Variants in CDA observed in about 807,000 individuals in gnomAD.
The protein encoded by CDA is cytidine aminohydrolase.
Under a neutral mutation model 15.0 loss-of-function variants are expected in CDA, and 7 were observed. That is an observed-to-expected ratio of 0.47 (90% CI 0.26 to 0.87). CDA has a LOEUF of 0.87. Among genes scored for constraint, CDA ranks in the 40% least tolerant of loss-of-function variants. The probability of loss-of-function intolerance (pLI) is 0.15; values close to 1 mark genes in which losing one functional copy is unlikely to be tolerated. For missense variants in CDA, 159 were observed against 182.7 expected, an observed-to-expected ratio of 0.87 and a Z score of 0.75; for synonymous variants, 58 against 73.0, an observed-to-expected ratio of 0.79 and a Z score of 1.05.
intron 2 of CDA, among the ~76,000 whole-genome samples, chr1:20,612,933 A>T (rs2154532825): frequency 1.0e-5 from 1 of 99,022 alleles, no homozygotes; most frequent in East Asian, 2.7e-4. Context: ...ACAGAGCGAG[A>T]CTCCATCTCA....
At chr1:20,608,009 A>G (rs1461501034) in intron 2 of CDA, among the ~76,000 whole-genome samples, 1 of 152,190 alleles carries the variant, frequency 6.6e-6, no homozygotes, top group Admixed American at 6.5e-5. Context: ...GTCAAGTCTG[A>G]TAAGTACGGC....
chr1:20,597,292 CA>C (rs980548516), intron 1 of CDA, among the ~76,000 whole-genome samples: 1 of 151,842 alleles, frequency 6.6e-6, no homozygotes, highest in African/African-American at 2.4e-5. Flanking sequence ...AATAAAAATA[CA>C]AAAAAAATTA....
chr1:20,599,477 C>T (rs753766783), intron 1 of CDA, among the ~76,000 whole-genome samples: 122 of 151,726 alleles, frequency 8.0e-4, no homozygotes, highest in Non-Finnish European at 1.3e-3. Context: ...ATTAGCCGGG[C>T]GTGGTGGCAC....
rs190748614 is a variant in CDA at position 20,599,073 on chromosome 1, G to A, written c.155-5855G>A. ...AGGAAGCCATTTTAGATAGGTGATCGGAGAAAGCGTCTCTGAGAAGGTGAC... is the reference window on the plus strand; with the variant it reads ...AGGAAGCCATTTTAGATAGGTGATCAGAGAAAGCGTCTCTGAGAAGGTGAC... On this transcript the variant is annotated intron_variant, in intron 1 of 3. Coordinates refer to ENST00000375071, the MANE Select transcript of CDA (RefSeq NM_001785.3). Among the ~76,000 whole-genome samples, 363 of 152,294 alleles carry A rather than the reference G, an allele frequency of 2.4e-3. 2 individuals carry two copies. The highest frequency in any genetic ancestry group is 0.014 in the Middle Eastern group (4 of 294).
intron 1 of CDA, among the ~76,000 whole-genome samples, chr1:20,596,074 G>C (rs1402365878): frequency 1.3e-5 from 2 of 152,056 alleles, no homozygotes; most frequent in Non-Finnish European, 2.9e-5. Flanking sequence ...GCTTGAACCT[G>C]GGAGGCGGAG....
intron 2 of CDA, among the ~76,000 whole-genome samples, chr1:20,606,713 G>A (rs927922287): frequency 1.3e-5 from 2 of 152,134 alleles, no homozygotes; most frequent in African/African-American, 4.8e-5. Flanking sequence ...GGTTCTGGCT[G>A]AACAAGAGCC....
intron 1 of CDA, among the ~76,000 whole-genome samples, chr1:20,603,350 T>C (rs989291833): frequency 4.6e-5 from 7 of 152,204 alleles, no homozygotes; most frequent in African/African-American, 1.7e-4. Flanking sequence ...AACGGGCAAC[T>C]CTGCCCCATG....
intron 1 of CDA, among the ~76,000 whole-genome samples, chr1:20,589,706 G>A (rs1478585444): frequency 6.6e-6 from 1 of 152,154 alleles, no homozygotes; most frequent in Non-Finnish European, 1.5e-5. Flanking sequence ...TGAAACTACG[G>A]AGGTCTCGAG....
In CDA at chr1:20,605,010, C is replaced by A. The variant is rs1163991065; in HGVS notation, c.237C>A (p.Tyr79Ter). The A allele has an allele frequency of 5.0e-6, 8 of 1,613,542 alleles. No individual in the cohort carries two copies. The highest frequency in any genetic ancestry group is 1.7e-5 in the Admixed American group (1 of 59,998). Residue 79 changes from tyrosine to a stop codon, truncating the protein, a stop_gained, in exon 2 of 4, where the codon TAC becomes TAA. Coordinates refer to ENST00000375071, the MANE Select transcript of CDA (RefSeq NM_001785.3). LOFTEE classifies it high-confidence loss of function. Reference sequence around the variant, plus strand: ...TCCAGAAGGCCGTCTCAGAAGGGTACAAGGATTTCAGGGCAATTGCTATCG... The same window carrying A: ...TCCAGAAGGCCGTCTCAGAAGGGTAAAAGGATTTCAGGGCAATTGCTATCG... ...TAIQKAVSEG[Y>*]KDFRAIAIAS...
intron 1 of CDA, among the ~76,000 whole-genome samples, chr1:20,596,846 G>C (rs1038801481): frequency 6.9e-6 from 1 of 144,030 alleles, no homozygotes; most frequent in Admixed American, 7.5e-5. Flanking sequence ...CTGCAGCCTC[G>C]ACCTTCCTGG....
intron 2 of CDA, among the ~76,000 whole-genome samples, chr1:20,612,929 C>T (rs1209467318): frequency 1.7e-5 from 2 of 114,308 alleles, no homozygotes; most frequent in African/African-American, 3.5e-5. Context: ...GGTAACAGAG[C>T]GAGACTCCAT....
intron 2 of CDA, among the ~76,000 whole-genome samples, chr1:20,610,489 C>G (rs1042203867): frequency 1.2e-4 from 18 of 151,778 alleles, no homozygotes; most frequent in Admixed American, 3.9e-4. Context: ...TTAGTAGAGA[C>G]AGGGTTTCAC....
chr1:20,605,189 G>A, intron 2 of CDA, 150 bp downstream of exon 2: 1 of 698,060 alleles, frequency 1.4e-6, no homozygotes, highest in Admixed American at 2.0e-5. Flanking sequence ...TGGGATGAGT[G>A]CTGAGGATAA....
Position 20,618,466 on chromosome 1 carries a change from G to C in CDA, c.339G>C (p.Trp113Cys). The C allele has an allele frequency of 6.2e-7, 1 of 1,611,148 alleles. No individual in the cohort carries two copies. Among genetic ancestry groups the C allele is most frequent in the South Asian group, 1.1e-5 (1 of 90,890 alleles). Residue 113 changes from tryptophan to cysteine, a missense_variant, in exon 4 of 4, where the codon TGG becomes TGC. Transcript: ENST00000375071. ...CTCTTTTCCAGTTTGGCACCAACTG[G>C]CCCGTGTACATGACCAAGCCGGATG... ...RQVMREFGTN[W>C]PVYMTKPDGT...
intron 2 of CDA, among the ~76,000 whole-genome samples, chr1:20,609,848 A>G (rs2052730788): frequency 6.6e-6 from 1 of 152,066 alleles, no homozygotes; most frequent in Non-Finnish European, 1.5e-5. Context: ...AGGAGTCCCC[A>G]CCCTCTTATG....
At chr1:20,616,601 G>A (rs2052814906) in intron 3 of CDA, among the ~76,000 whole-genome samples, 1 of 152,140 alleles carries the variant, frequency 6.6e-6, no homozygotes, top group Non-Finnish European at 1.5e-5. Flanking sequence ...GGCTCCCAAG[G>A]CCCCGACGTG....
intron 1 of CDA, among the ~76,000 whole-genome samples, chr1:20,590,902 G>A (rs1208453881): frequency 6.6e-6 from 1 of 152,164 alleles, no homozygotes; most frequent in Non-Finnish European, 1.5e-5. Context: ...CCTGGCCTGT[G>A]GGGCCAGCAT....
At chr1:20,608,834 T>G (rs1467913663) in intron 2 of CDA, among the ~76,000 whole-genome samples, 1 of 152,210 alleles carries the variant, frequency 6.6e-6, no homozygotes, top group Non-Finnish European at 1.5e-5. Context: ...TCTGTGGCCT[T>G]GGGCAAGTCG....
chr1:20,589,855 G>A (rs115794812), intron 1 of CDA, among the ~76,000 whole-genome samples: 2,980 of 152,286 alleles, frequency 0.02, 104 homozygotes, highest in African/African-American at 0.065. Context: ...GTCGGGGGTG[G>A]TCGGTGGAGA....
Sources: allele counts gnomAD v4.1 joint callset (sites outside exome capture counted in the v4.1 genomes callset), GRCh38; gene constraint gnomAD v4.1.1; transcripts MANE v1.5; gene names NCBI Gene and HGNC (gene_info 2026-07-23, HGNC 2026-07-21).